Variants in ARHGAP28 observed in about 807,000 individuals in gnomAD.
The protein encoded by ARHGAP28 is Rho GTPase activating protein 28.
Under a neutral mutation model 90.7 loss-of-function variants are expected in ARHGAP28, and 56 were observed. That is an observed-to-expected ratio of 0.62 (90% CI 0.50 to 0.77). ARHGAP28 has a LOEUF of 0.77. Among genes scored for constraint, ARHGAP28 ranks in the 30% least tolerant of loss-of-function variants. The pLI is 0.00. For missense variants in ARHGAP28, 869 were observed against 900.9 expected, an observed-to-expected ratio of 0.96 and a Z score of 0.45; for synonymous variants, 308 against 323.3, an observed-to-expected ratio of 0.95 and a Z score of 0.51.
At position 6,912,048 on chromosome 18, in the gene ARHGAP28, T is replaced by C; in HGVS notation, c.2096-12T>C. 1 of 1,558,456 alleles carries C rather than the reference T, an allele frequency of 6.4e-7. No homozygotes were observed. Among genetic ancestry groups the C allele is most frequent in the Non-Finnish European group, 8.8e-7 (1 of 1,135,070 alleles). ...ATGTACACTAATTCTCTGATCTTTCTCTTTCTTTTAGGAGAGCATTGCTTG... is the reference window on the plus strand; with the variant it reads ...ATGTACACTAATTCTCTGATCTTTCCCTTTCTTTTAGGAGAGCATTGCTTG... On this transcript the variant is annotated splice_polypyrimidine_tract_variant and intron_variant, in intron 17 of 17. Coordinates refer to ENST00000383472, the MANE Select transcript of ARHGAP28 (RefSeq NM_001366230.1).
chr18:6,756,617 A>C (rs146475409), intron 1 of ARHGAP28, among the ~76,000 whole-genome samples: 1 of 152,318 alleles, frequency 6.6e-6, no homozygotes, highest in African/African-American at 2.4e-5. Flanking sequence ...TATATATGAA[A>C]GGGAGTTTAT....
Position 6,742,400 on chromosome 18 carries a change from C to T in ARHGAP28, c.122+12457C>T, listed in dbSNP as rs143623823. The stretch of plus-strand genomic sequence containing the variant: ...GGCCAGGCTGGCCTCGAACTGCTGA[C>T]CTCAGGTGATCCACCCACCTCGGCT... On this transcript the variant is annotated intron_variant, in intron 1 of 17. Coordinates refer to ENST00000383472, the MANE Select transcript of ARHGAP28 (RefSeq NM_001366230.1). 7.5e-3 allele frequency among the ~76,000 whole-genome samples: 1,141 copies of T among 152,132 alleles called. 12 individuals are homozygous for T. Among genetic ancestry groups the T allele is most frequent in the African/African-American group, 0.024 (995 of 41,490 alleles).
intron 3 of ARHGAP28, among the ~76,000 whole-genome samples, chr18:6,841,161 C>CACTG (rs2056809964): frequency 2.9e-5 from 3 of 103,774 alleles, no homozygotes; most frequent in Admixed American, 9.9e-5. Flanking sequence ...TCCTCTTTCT[C>CACTG]TCTCTCCTCT....
intron 1 of ARHGAP28, among the ~76,000 whole-genome samples, chr18:6,816,286 GT>G (rs1227643255): frequency 3.9e-5 from 6 of 152,164 alleles, no homozygotes; most frequent in African/African-American, 1.4e-4. Context: ...TCCAAGTTGA[GT>G]TGTTTATAAA....
chr18:6,868,912 A>G (rs1332425476), intron 6 of ARHGAP28, among the ~76,000 whole-genome samples: 2 of 152,292 alleles, frequency 1.3e-5, no homozygotes, highest in Middle Eastern at 3.4e-3. Context: ...AACCACTGGC[A>G]GGTACACTTT....
chr18:6,729,889 C>G lies in ARHGAP28; in HGVS notation c.68C>G (p.Pro23Arg), dbSNP rs1327867178. Residue 23 changes from proline to arginine, a missense_variant, in exon 1 of 18, where the codon CCC (proline) becomes CGC (arginine). Transcript: ENST00000383472. ...CACTCGTACGCGCGCGCCCAGCCCC[C>G]CAACGCCGAGTCGCGCTGCGCGCCC... ...AYHSYARAQPPNAESRCAPRA... is the reference protein window; with the variant it reads ...AYHSYARAQPRNAESRCAPRA... 2 of 1,428,360 alleles carry G rather than the reference C, an allele frequency of 1.4e-6. No individual in the cohort carries two copies. Among genetic ancestry groups the G allele is most frequent in the South Asian group, 1.4e-5 (1 of 70,298 alleles). The allele number at this position is 1,428,360 out of a possible 1,614,324, so 88.5% of individuals were successfully genotyped here.
chr18:6,749,546 AT>A (rs1278244315), intron 1 of ARHGAP28, among the ~76,000 whole-genome samples: 1 of 151,468 alleles, frequency 6.6e-6, no homozygotes, highest in African/African-American at 2.4e-5. Flanking sequence ...TTTCTATACC[AT>A]TTTTTTAAAT....
At chr18:6,866,480 T>G (rs1052122753) in intron 5 of ARHGAP28, among the ~76,000 whole-genome samples, 1 of 152,186 alleles carries the variant, frequency 6.6e-6, no homozygotes, top group Non-Finnish European at 1.5e-5. Flanking sequence ...TCATTATTCC[T>G]TAAGTTCCAG....
chr18:6,846,125 T>C (rs924673478), intron 3 of ARHGAP28, among the ~76,000 whole-genome samples: 12 of 152,196 alleles, frequency 7.9e-5, no homozygotes, highest in African/African-American at 2.7e-4. Flanking sequence ...TGCCTCCACC[T>C]GGATTCATGG....
At chr18:6,895,033 G>C (rs2057294787) in intron 15 of ARHGAP28, 142 bp downstream of exon 15, 6 of 833,304 alleles carry the variant, frequency 7.2e-6, no homozygotes, top group African/African-American at 3.3e-5. Context: ...AGGAATGGTA[G>C]AGGGACCTGA....
chr18:6,859,683 A>G (rs1320743383), intron 4 of ARHGAP28, 125 bp from the exon 5 acceptor site: 1 of 941,426 alleles, frequency 1.1e-6, no homozygotes, highest in Non-Finnish European at 1.6e-6. Flanking sequence ...GCAATTGTCC[A>G]TGCACAGGCA....
rs1164586549 is a variant in ARHGAP28, at chr18:6,909,280, C to CTT, written c.2095+259_2095+260dup. ...CTTTTCTTTTCTTTTCTTTGCTTTT[C>CTT]TTTTCTTTTCTTTTCTTTTCTTTTT... On this transcript the variant is annotated intron_variant, in intron 17 of 17. Transcript: ENST00000383472. Among the ~76,000 whole-genome samples, 13 of 55,072 alleles carry CTT rather than the reference C, an allele frequency of 2.4e-4. No individual in the cohort carries two copies. In the South Asian group the frequency reaches 4.1e-3, roughly 17 times the overall value. The allele number at this position is 55,072 out of a possible 152,430, so 36.1% of individuals were successfully genotyped here. A position where few individuals can be genotyped will look rare whatever the true frequency, so the allele number is the denominator to read the frequency against.
intron 5 of ARHGAP28, among the ~76,000 whole-genome samples, chr18:6,864,513 AC>A (rs1179135189): frequency 6.6e-6 from 1 of 152,198 alleles, no homozygotes; most frequent in Non-Finnish European, 1.5e-5. Flanking sequence ...GTGTGTGTAC[AC>A]ATATACATGC....
chr18:6,790,234 G>C (rs1444184455), intron 1 of ARHGAP28: 1 of 152,050 alleles, frequency 6.6e-6, no homozygotes, highest in East Asian at 1.9e-4. Flanking sequence ...ATTTTCATAG[G>C]CTAGATACCT....
intron 1 of ARHGAP28, among the ~76,000 whole-genome samples, chr18:6,759,374 A>G (rs1185998719): frequency 2.0e-5 from 3 of 152,224 alleles, no homozygotes; most frequent in Non-Finnish European, 4.4e-5. Context: ...GCCTGTGTTT[A>G]GATGTAGTTT....
At position 6,873,760 on chromosome 18, in the gene ARHGAP28, C is replaced by T. The variant is rs755859307; in HGVS notation, c.1197C>T (p.Pro399=). 5.6e-6 allele frequency: 9 copies of T among 1,613,722 alleles called. No individual in the cohort carries two copies. The East Asian group carries it at 1.8e-4, about 32-fold the overall frequency. Residue 399 remains proline (P), a synonymous_variant, in exon 9 of 18, where the codon CCC becomes CCT. Transcript: ENST00000383472. The stretch of plus-strand genomic sequence containing the variant: ...AGAAAGACCCTGGAGTGAAAGTTCC[C>T]CTGGTATTACAAAAAGTGAGTAGCA... ...DRKKDPGVKV[P]LVLQKFFEKV...
intron 17 of ARHGAP28, among the ~76,000 whole-genome samples, chr18:6,909,584 C>T (rs1484117382): frequency 6.6e-6 from 1 of 151,994 alleles, no homozygotes; most frequent in Non-Finnish European, 1.5e-5. Flanking sequence ...TGAGCCACTG[C>T]GCCTGGCTGG....
chr18:6,849,975 C>T (rs917857425), intron 3 of ARHGAP28, among the ~76,000 whole-genome samples: 1 of 152,094 alleles, frequency 6.6e-6, no homozygotes, highest in Non-Finnish European at 1.5e-5. Context: ...ATTAAACTCA[C>T]ATATCTTAAA....
intron 1 of ARHGAP28, among the ~76,000 whole-genome samples, chr18:6,819,122 A>C (rs749398028): frequency 1.3e-5 from 2 of 152,240 alleles, no homozygotes; most frequent in Non-Finnish European, 2.9e-5. Flanking sequence ...AGTATTTCAT[A>C]GTAAGAAGTA....
Sources: gnomAD v4.1 joint callset for allele counts (sites outside exome capture counted in the v4.1 genomes callset) on GRCh38, gnomAD v4.1.1 for gene constraint, MANE v1.5 for transcripts, NCBI Gene and HGNC (gene_info 2026-07-23, HGNC 2026-07-21) for gene names.